The following MYO7A variants were observed in gnomAD, a reference collection of about 807,000 sequenced individuals.
The protein encoded by MYO7A is myosin VIIA.
A neutral mutation model predicts 263.8 loss-of-function variants in MYO7A; 210 were observed. The observed-to-expected ratio is 0.80, with a 90% CI of 0.71 to 0.89. The LOEUF is 0.89. MYO7A is among the 40% of genes least tolerant of loss of function. The pLI, the probability that MYO7A is intolerant of heterozygous loss-of-function variation, is 0.00. For missense variants in MYO7A, 2,820 were observed against 2,968.3 expected, an observed-to-expected ratio of 0.95 and a Z score of 1.16; for synonymous variants, 1,239 against 1,197.3, an observed-to-expected ratio of 1.03 and a Z score of -0.72.
At chr11:77,131,005 T>C (rs1396283410) in intron 2 of MYO7A, among the ~76,000 whole-genome samples, 1 of 152,234 alleles carries the variant, frequency 6.6e-6, no homozygotes, top group African/African-American at 2.4e-5. Flanking sequence ...GGAAGGGCCC[T>C]GAGCCCAACT....
chr11:77,211,093 G>A (rs1957831053), intron 44 of MYO7A, 59 bp from the exon 45 acceptor site: 1 of 1,451,902 alleles, frequency 6.9e-7, no homozygotes, highest in East Asian at 2.5e-5. Context: ...GGTGTGGTGG[G>A]AAAGGAGCCC....
chr11:77,160,667 G>T (rs1001033989), intron 11 of MYO7A, among the ~76,000 whole-genome samples: 1 of 152,198 alleles, frequency 6.6e-6, no homozygotes, highest in Admixed American at 6.5e-5. Context: ...GGGGACCTCA[G>T]AGATAAACAG....
At chr11:77,166,724 G>A (rs1047565794) in intron 15 of MYO7A, among the ~76,000 whole-genome samples, 19 of 152,052 alleles carry the variant, frequency 1.2e-4, no homozygotes, top group African/African-American at 3.4e-4. Context: ...AAGTCCTCAC[G>A]CAGAAGACAG....
chr11:77,142,073 C>T (rs562354023), intron 2 of MYO7A, among the ~76,000 whole-genome samples: 4 of 152,330 alleles, frequency 2.6e-5, no homozygotes, highest in South Asian at 2.1e-4. Flanking sequence ...TGGGATTTTA[C>T]GTTTGGCTCT....
chr11:77,176,142 G>T (rs1473939377), intron 18 of MYO7A, among the ~76,000 whole-genome samples: 2 of 152,210 alleles, frequency 1.3e-5, no homozygotes, highest in Non-Finnish European at 2.9e-5. Flanking sequence ...CCTTCCTCTG[G>T]TGTGGGGGGT....
At chr11:77,137,721 G>C (rs1257994952) in intron 2 of MYO7A, among the ~76,000 whole-genome samples, 1 of 152,042 alleles carries the variant, frequency 6.6e-6, no homozygotes, top group Non-Finnish European at 1.5e-5. Flanking sequence ...GGGAGTTCAG[G>C]GGACCCCACA....
intron 30 of MYO7A, 130 bp from the exon 31 acceptor site, chr11:77,191,921 G>A: frequency 4.1e-6 from 3 of 731,972 alleles, no homozygotes; most frequent in South Asian, 1.9e-5. Flanking sequence ...CTGCCTCCTG[G>A]GGGCCTTGGA....
chr11:77,146,162 TAG>T (rs1555053525), intron 3 of MYO7A, among the ~76,000 whole-genome samples: 1 of 152,070 alleles, frequency 6.6e-6, no homozygotes, highest in East Asian at 1.9e-4. Flanking sequence ...AGAAAGAAGG[TAG>T]AGGGAACAGT....
At chr11:77,162,396 C>T (rs1484128995) in intron 13 of MYO7A, 66 bp downstream of exon 13, 5 of 1,449,248 alleles carry the variant, frequency 3.5e-6, no homozygotes, top group East Asian at 2.5e-5. Flanking sequence ...CTGCTTTGAG[C>T]CCCGGCTTTC....
At chr11:77,137,195 G>A (rs1950936068) in intron 2 of MYO7A, among the ~76,000 whole-genome samples, 1 of 152,204 alleles carries the variant, frequency 6.6e-6, no homozygotes, top group South Asian at 2.1e-4. Context: ...CAGGAAGTGA[G>A]TGGGAATCAC....
At chr11:77,169,698 A>G (rs190286126) in intron 15 of MYO7A, among the ~76,000 whole-genome samples, 98 of 152,292 alleles carry the variant, frequency 6.4e-4, no homozygotes, top group Non-Finnish European at 1.2e-3. Flanking sequence ...AGGCATTGTC[A>G]TGGGTCTTGG....
intron 9 of MYO7A, 65 bp downstream of exon 9, chr11:77,158,495 C>A: frequency 6.5e-7 from 1 of 1,540,710 alleles, no homozygotes. Flanking sequence ...GCCTTGCTGC[C>A]CACGTGGTAT....
At chr11:77,160,835 T>C in intron 11 of MYO7A, 138 bp from the exon 12 acceptor site, 4 of 947,876 alleles carry the variant, frequency 4.2e-6, no homozygotes, top group Non-Finnish European at 4.8e-6. Flanking sequence ...AGGGAACAGC[T>C]CAAGTAAAGG....
At chr11:77,166,259 CT>C (rs1555072533) in intron 15 of MYO7A, 97 bp downstream of exon 15, 2 of 1,061,434 alleles carry the variant, frequency 1.9e-6, no homozygotes, top group South Asian at 1.3e-5. Context: ...GCTGAGCCCC[CT>C]GGCCACATAA....
chr11:77,172,725 A>T (rs1954220370), intron 15 of MYO7A, 23 bp from the exon 16 acceptor site: 2 of 1,548,744 alleles, frequency 1.3e-6, no homozygotes, highest in Non-Finnish European at 1.7e-6. Flanking sequence ...AGCCCCTCCC[A>T]TCGCTGCCGT....
At chr11:77,183,646 A>G (rs1450187523) in intron 26 of MYO7A, among the ~76,000 whole-genome samples, 1 of 151,962 alleles carries the variant, frequency 6.6e-6, no homozygotes, top group Non-Finnish European at 1.5e-5. Flanking sequence ...GTGGCAGGGG[A>G]GGATACACTG....
intron 14 of MYO7A, among the ~76,000 whole-genome samples, chr11:77,165,570 G>A (rs535503714): frequency 6.6e-6 from 1 of 152,354 alleles, no homozygotes; most frequent in South Asian, 2.1e-4. Context: ...TGGGGGCAGA[G>A]GAGGTAATCC....
At chr11:77,175,245 C>G in intron 17 of MYO7A, 127 bp from the exon 18 acceptor site, 1 of 845,036 alleles carries the variant, frequency 1.2e-6, no homozygotes, top group Non-Finnish European at 1.9e-6. Context: ...CAGGACCCAG[C>G]TGAGGTCACA....
chr11:77,163,829 A>C (rs1251846138), intron 14 of MYO7A, among the ~76,000 whole-genome samples: 13 of 706 alleles, frequency 0.018, no homozygotes, highest in African/African-American at 0.064. Flanking sequence ...CTGCTAATGG[A>C]CTTTTGGGGT....
Sources: gnomAD v4.1 joint callset for allele counts (sites outside exome capture counted in the v4.1 genomes callset) on GRCh38, gnomAD v4.1.1 for gene constraint, MANE v1.5 for transcripts, NCBI Gene and HGNC (gene_info 2026-07-23, HGNC 2026-07-21) for gene names.